RALGAPA2: variants seen among roughly 807,000 people sequenced by gnomAD.
RALGAPA2 encodes the protein ral GTPase-activating protein subunit alpha-2.
A neutral mutation model predicts 230.4 loss-of-function variants in RALGAPA2; 139 were observed. That is an observed-to-expected ratio of 0.60 (90% CI 0.53 to 0.69). The LOEUF (loss-of-function observed/expected upper bound fraction) is 0.69, where lower values mean the gene tolerates loss of function less well. Ranked by LOEUF, RALGAPA2 falls within the 30% of genes least tolerant of loss-of-function variation. The pLI is 0.00. For synonymous variants in RALGAPA2, 847 were observed against 837.8 expected (o/e 1.01, Z -0.19); for missense variants, 2,163 against 2,276.0 (o/e 0.95, Z 1.01).
At chr20:20,487,689 A>G (rs571268243) in intron 36 of RALGAPA2, among the ~76,000 whole-genome samples, 1 of 152,186 alleles carries the variant, frequency 6.6e-6, no homozygotes, top group African/African-American at 2.4e-5. Context: ...TGAGTGGATC[A>G]CTTGAGTTCA....
At chr20:20,543,137 C>A (rs1359735254) in intron 24 of RALGAPA2, among the ~76,000 whole-genome samples, 1 of 152,070 alleles carries the variant, frequency 6.6e-6, no homozygotes, top group African/African-American at 2.4e-5. Context: ...CTCCGCCTCC[C>A]AGGTTCAAGC....
chr20:20,530,716 A>G (rs909889933), intron 27 of RALGAPA2, among the ~76,000 whole-genome samples: 3 of 152,206 alleles, frequency 2.0e-5, no homozygotes, highest in Non-Finnish European at 1.5e-5. Flanking sequence ...TGCTGGTGTT[A>G]GGTGGATGGT....
chr20:20,616,921 GTTC>G (rs1289822895), intron 12 of RALGAPA2, among the ~76,000 whole-genome samples: 4 of 152,190 alleles, frequency 2.6e-5, no homozygotes, highest in African/African-American at 9.7e-5. Flanking sequence ...CAAGTTCACT[GTTC>G]TCTACCATCA....
chr20:20,443,821 C>T (rs1246831732), intron 37 of RALGAPA2, among the ~76,000 whole-genome samples: 2 of 152,244 alleles, frequency 1.3e-5, no homozygotes. Context: ...AGCTGTTAGC[C>T]ACTATTCTCC....
intron 34 of RALGAPA2, among the ~76,000 whole-genome samples, chr20:20,504,163 A>G (rs1448304846): frequency 6.6e-6 from 1 of 151,900 alleles, no homozygotes; most frequent in African/African-American, 2.4e-5. Flanking sequence ...GAGTAAACAT[A>G]TACTCTCAAA....
At chr20:20,582,549 G>A (rs1243882985) in intron 20 of RALGAPA2, among the ~76,000 whole-genome samples, 1 of 151,902 alleles carries the variant, frequency 6.6e-6, no homozygotes, top group Non-Finnish European at 1.5e-5. Context: ...AAGAAATCAA[G>A]GAAATTAGTA....
chr20:20,390,488 C>A lies in RALGAPA2; in HGVS notation c.*2801G>T, dbSNP rs2059586429. 6.6e-6 allele frequency: 1 copy of A among 152,174 alleles called. No individual in the cohort carries two copies. The highest frequency in any genetic ancestry group is 2.4e-5 in the African/African-American group (1 of 41,430). The allele number at this position is 152,174 out of a possible 1,614,324, so 9.4% of individuals were successfully genotyped here. On this transcript the variant is annotated 3_prime_UTR_variant, in exon 40 of 40. Coordinates refer to ENST00000202677, the MANE Select transcript of RALGAPA2 (RefSeq NM_020343.4). ...ATAGGTGTGCAGAGAAGTGAGGGAACTGGCCTGGCCCTGCCTGAGGCCAGC... is the reference window on the plus strand; with the variant it reads ...ATAGGTGTGCAGAGAAGTGAGGGAAATGGCCTGGCCCTGCCTGAGGCCAGC...
intron 38 of RALGAPA2, among the ~76,000 whole-genome samples, chr20:20,404,407 G>A (rs576880082): frequency 1.9e-4 from 29 of 152,242 alleles, no homozygotes; most frequent in Non-Finnish European, 3.5e-4. Context: ...ACTTAACTGC[G>A]AATAAGAGAG....
intron 3 of RALGAPA2, among the ~76,000 whole-genome samples, chr20:20,672,251 G>C (rs1211932395): frequency 6.6e-6 from 1 of 152,138 alleles, no homozygotes; most frequent in Non-Finnish European, 1.5e-5. Flanking sequence ...TGTGAAATCT[G>C]TGGTCATTCA....
chr20:20,706,879 A>G (rs2069629282), intron 1 of RALGAPA2, among the ~76,000 whole-genome samples: 2 of 152,194 alleles, frequency 1.3e-5, no homozygotes, highest in South Asian at 4.1e-4. Flanking sequence ...CAGTTTCCTC[A>G]GCTGGGGATA....
chr20:20,562,289 C>T (rs1051121479), intron 23 of RALGAPA2, among the ~76,000 whole-genome samples: 4 of 152,156 alleles, frequency 2.6e-5, no homozygotes, highest in South Asian at 4.2e-4. Flanking sequence ...AAAAAGATTC[C>T]GGTGATCTGG....
intron 14 of RALGAPA2, among the ~76,000 whole-genome samples, chr20:20,607,971 C>T (rs1333711907): frequency 2.0e-5 from 3 of 152,078 alleles, no homozygotes; most frequent in Non-Finnish European, 4.4e-5. Flanking sequence ...GGCAGGGTGT[C>T]CTTTTAATCA....
chr20:20,469,831 G>C (rs1340363037), intron 37 of RALGAPA2, among the ~76,000 whole-genome samples: 1 of 152,180 alleles, frequency 6.6e-6, no homozygotes, highest in South Asian at 2.1e-4. Context: ...TCTAGGCACA[G>C]GAATAGGCTC....
Position 20,573,050 on chromosome 20 carries a change from GT to G in RALGAPA2, c.2725del (p.Thr909GlnfsTer6). 1 of 1,607,226 alleles carries G rather than the reference GT, an allele frequency of 6.2e-7. No individual in the cohort carries two copies. The highest frequency in any genetic ancestry group is 1.7e-4 in the Middle Eastern group (1 of 6,038). ...CCCGGCGATTATACTACAGTCATCTGTGAGGCACTCGCTGCTATCTATGCAG... is the reference window on the plus strand; with the variant it reads ...CCCGGCGATTATACTACAGTCATCTGGAGGCACTCGCTGCTATCTATGCAG... ...SNLTDSSECLTDDCSIIAGGS... is the reference protein window; with the variant it reads ...SNLTDSSECLXDDCSIIAGGS... On this transcript the variant is annotated frameshift_variant, in exon 21 of 40. Coordinates refer to ENST00000202677, the MANE Select transcript of RALGAPA2 (RefSeq NM_020343.4). LOFTEE classifies it high-confidence loss of function.
At chr20:20,421,688 C>CAAAT (rs2060278876) in intron 37 of RALGAPA2, among the ~76,000 whole-genome samples, 1 of 152,058 alleles carries the variant, frequency 6.6e-6, no homozygotes, top group African/African-American at 2.4e-5. Flanking sequence ...AACAAACAAA[C>CAAAT]AAACAAACAA....
intron 4 of RALGAPA2, among the ~76,000 whole-genome samples, chr20:20,651,745 A>G (rs1360857736): frequency 6.6e-6 from 1 of 152,260 alleles, no homozygotes; most frequent in Non-Finnish European, 1.5e-5. Flanking sequence ...CAGACATTCT[A>G]AAGTGCTATC....
intron 10 of RALGAPA2, among the ~76,000 whole-genome samples, chr20:20,626,960 C>T (rs377656888): frequency 9.8e-4 from 149 of 152,314 alleles, no homozygotes; most frequent in African/African-American, 3.4e-3. Context: ...ATAGATGATA[C>T]ACTCCAGGAC....
At chr20:20,655,985 C>T (rs2067576858) in intron 3 of RALGAPA2, among the ~76,000 whole-genome samples, 1 of 152,124 alleles carries the variant, frequency 6.6e-6, no homozygotes, top group Non-Finnish European at 1.5e-5. Flanking sequence ...GACATCCTGC[C>T]ATTTGAGGTG....
chr20:20,710,861 A>G (rs2069828454), intron 1 of RALGAPA2, among the ~76,000 whole-genome samples: 1 of 152,244 alleles, frequency 6.6e-6, no homozygotes, highest in South Asian at 2.1e-4. Flanking sequence ...TCAAAGTATC[A>G]AACGCTTTAA....
Sources: gnomAD v4.1 joint callset for allele counts (sites outside exome capture counted in the v4.1 genomes callset) on GRCh38, gnomAD v4.1.1 for gene constraint, MANE v1.5 for transcripts, NCBI Gene and HGNC (gene_info 2026-07-23, HGNC 2026-07-21) for gene names.